Variants in HEPHL1 observed in about 807,000 individuals in gnomAD.
HEPHL1 encodes hephaestin like 1, also known as ferroxidase HEPHL1.
Under a neutral mutation model 122.0 loss-of-function variants are expected in HEPHL1, and 123 were observed. That is an observed-to-expected ratio of 1.01 (90% CI 0.87 to 1.17). HEPHL1 has a LOEUF of 1.17. Among genes scored for constraint, HEPHL1 ranks in the 50% most tolerant of loss-of-function variants. The probability of loss-of-function intolerance (pLI) is 0.00; values close to 1 mark genes in which losing one functional copy is unlikely to be tolerated. For missense variants in HEPHL1, 1,452 were observed against 1,430.5 expected (o/e 1.01, Z -0.24); for synonymous variants, 527 against 508.9 (o/e 1.04, Z -0.48).
rs1461191518 is a variant in HEPHL1 at position 94,021,391 on chromosome 11, G to A, written c.23G>A (p.Gly8Asp). The A allele has an allele frequency of 6.2e-7, 1 of 1,613,166 alleles. No individual in the cohort carries two copies. Reference protein sequence around the residue: MPRKQPAGCIFLLTFLGL... With the variant: MPRKQPADCIFLLTFLGL... ...CAAATGCCTCGGAAGCAGCCAGCTG[G>A]CTGCATCTTTCTCCTCACATTCCTG... The change falls in exon 1 of 20, where the codon GGC becomes GAC. Residue 8 changes from glycine to aspartate, a missense_variant. By Grantham distance (94) the Gly-to-Asp change is moderately conservative (BLOSUM62 -1). Coordinates refer to ENST00000315765, the MANE Select transcript of HEPHL1 (RefSeq NM_001098672.2).
intron 15 of HEPHL1, among the ~76,000 whole-genome samples, chr11:94,103,968 G>C (rs115524328): frequency 6.6e-5 from 10 of 152,190 alleles, no homozygotes; most frequent in African/African-American, 2.4e-4. Flanking sequence ...GAGAGATGCA[G>C]ATACTCTTGT....
At chr11:94,074,148 C>A (rs959008249) in intron 8 of HEPHL1, among the ~76,000 whole-genome samples, 42 of 152,188 alleles carry the variant, frequency 2.8e-4, no homozygotes, top group African/African-American at 9.6e-4. Context: ...CAGTTGAGAA[C>A]AGGTTTTGTG....
At chr11:94,037,162 G>T (rs992963837) in intron 1 of HEPHL1, among the ~76,000 whole-genome samples, 3 of 152,170 alleles carry the variant, frequency 2.0e-5, no homozygotes, top group Non-Finnish European at 4.4e-5. Context: ...TTTTCAGACC[G>T]GCTTAAAAAA....
At position 94,064,336 on chromosome 11, in the gene HEPHL1, C is replaced by G. The variant is rs1424631329; in HGVS notation, c.634C>G (p.Leu212Val). The G allele has an allele frequency of 1.2e-6, 2 of 1,610,614 alleles. No individual in the cohort carries two copies. The highest frequency in any genetic ancestry group is 8.5e-7 in the Non-Finnish European group (1 of 1,177,594). Residue 212 changes from leucine to valine, a missense_variant, in exon 4 of 20, where the codon CTG (leucine) becomes GTG (valine). Physicochemically the swap from Leu to Val is conservative, Grantham distance 32. Transcript: ENST00000315765. ...CTTTTGAATGTGCCTGACAGGTATC[C>G]TGAATAGATATTCAGGGACACGGAA... Reference protein sequence around the residue: ...GPLLVCKEGILNRYSGTRNDV... With the variant: ...GPLLVCKEGIVNRYSGTRNDV...
At chr11:94,074,964 A>G (rs987292087) in intron 8 of HEPHL1, among the ~76,000 whole-genome samples, 1 of 152,168 alleles carries the variant, frequency 6.6e-6, no homozygotes, top group Non-Finnish European at 1.5e-5. Context: ...GGGATTTATG[A>G]AGAAGATAAT....
intron 2 of HEPHL1, 88 bp from the exon 3 acceptor site, chr11:94,063,420 T>G: frequency 1.9e-6 from 2 of 1,033,726 alleles, no homozygotes; most frequent in Non-Finnish European, 2.8e-6. Context: ...TATGTTTGAT[T>G]CCAAAGCTCT....
chr11:94,082,820 G>C (rs549770712), intron 10 of HEPHL1, among the ~76,000 whole-genome samples: 65 of 152,166 alleles, frequency 4.3e-4, no homozygotes, highest in Non-Finnish European at 7.6e-4. Flanking sequence ...CTAGCGGCCA[G>C]GCACAGTGGC....
At chr11:94,077,458 G>A (rs1946135289) in intron 9 of HEPHL1, among the ~76,000 whole-genome samples, 1 of 152,138 alleles carries the variant, frequency 6.6e-6, no homozygotes, top group Admixed American at 6.5e-5. Flanking sequence ...GTACAGGCAT[G>A]CAATGCATAA....
At chr11:94,083,024 G>A (rs1449445410) in intron 10 of HEPHL1, among the ~76,000 whole-genome samples, 2 of 151,444 alleles carry the variant, frequency 1.3e-5, no homozygotes, top group Non-Finnish European at 2.9e-5. Flanking sequence ...GGAGGTGGAG[G>A]TTGCAGTGAG....
intron 1 of HEPHL1, among the ~76,000 whole-genome samples, chr11:94,033,273 G>A (rs1352268949): frequency 1.3e-5 from 2 of 152,134 alleles, no homozygotes; most frequent in Admixed American, 6.5e-5. Flanking sequence ...AGGGATTGAG[G>A]TTGCTGCAGG....
chr11:94,091,049 T>C (rs1946260763), intron 12 of HEPHL1, among the ~76,000 whole-genome samples: 2 of 152,352 alleles, frequency 1.3e-5, no homozygotes, highest in South Asian at 4.1e-4. Context: ...CTAGTACTCC[T>C]GAGCTTGTAG....
At chr11:94,110,243 A>G (rs1946437731) in intron 17 of HEPHL1, among the ~76,000 whole-genome samples, 1 of 152,108 alleles carries the variant, frequency 6.6e-6, no homozygotes, top group South Asian at 2.1e-4. Flanking sequence ...TGTATTAGTT[A>G]TCTATTGCTG....
chr11:94,100,185 GAAA>G (rs1946356788), intron 13 of HEPHL1, among the ~76,000 whole-genome samples: 1 of 152,006 alleles, frequency 6.6e-6, no homozygotes, highest in African/African-American at 2.4e-5. Flanking sequence ...GAAATTGAGA[GAAA>G]ATTGAAAATA....
chr11:94,109,081 G>A (rs1946429449), intron 17 of HEPHL1, among the ~76,000 whole-genome samples: 1 of 151,974 alleles, frequency 6.6e-6, no homozygotes, highest in Non-Finnish European at 1.5e-5. Context: ...CATATACTTT[G>A]TTTTATTTAT....
At chr11:94,098,772 A>G (rs1441518884) in intron 13 of HEPHL1, among the ~76,000 whole-genome samples, 1 of 152,106 alleles carries the variant, frequency 6.6e-6, no homozygotes, top group Non-Finnish European at 1.5e-5. Context: ...TTGATCTTCA[A>G]TCACTGATAC....
At chr11:94,030,386 G>A (rs945818580) in intron 1 of HEPHL1, among the ~76,000 whole-genome samples, 3 of 152,172 alleles carry the variant, frequency 2.0e-5, no homozygotes, top group African/African-American at 7.2e-5. Flanking sequence ...AAACAGAAGT[G>A]GTTTAAATCG....
chr11:94,070,335 C>A, intron 5 of HEPHL1, 39 bp from the exon 6 acceptor site: 3 of 1,543,146 alleles, frequency 1.9e-6, no homozygotes, highest in South Asian at 2.4e-5. Flanking sequence ...CTTTTGTGAT[C>A]ATTTATGCCT....
chr11:94,064,593 G>A (rs1946018790), intron 4 of HEPHL1, 83 bp downstream of exon 4: 1 of 908,938 alleles, frequency 1.1e-6, no homozygotes, highest in African/African-American at 1.7e-5. Context: ...ACACAGAAAT[G>A]TTGATCTGAG....
Position 94,056,473 on chromosome 11 carries a change from GAAT to G in HEPHL1, c.416-7031_416-7029del, listed in dbSNP as rs550968710. On this transcript the variant is annotated intron_variant, in intron 2 of 19. Coordinates refer to ENST00000315765, the MANE Select transcript of HEPHL1 (RefSeq NM_001098672.2). ...TTTTGTGTTAAACAAATATTTCTTAGAATAATGTTTTAATTTCTGTTTATTTTT... is the reference window on the plus strand; with the variant it reads ...TTTTGTGTTAAACAAATATTTCTTAGAATGTTTTAATTTCTGTTTATTTTT... Among the ~76,000 whole-genome samples the G allele has an allele frequency of 1.2e-4, 18 of 152,054 alleles. No individual in the cohort carries two copies. The South Asian group carries it at 3.7e-3, about 32-fold the overall frequency.
Sources: gnomAD v4.1 joint callset for allele counts (sites outside exome capture counted in the v4.1 genomes callset) on GRCh38, gnomAD v4.1.1 for gene constraint, MANE v1.5 for transcripts, NCBI Gene and HGNC (gene_info 2026-07-23, HGNC 2026-07-21) for gene names.